EPS15: variants seen among roughly 807,000 people sequenced by gnomAD.
EPS15 encodes epidermal growth factor receptor pathway substrate 15, also known as epidermal growth factor receptor substrate 15.
EPS15 carries 72 observed loss-of-function variants against 113.8 expected under a neutral mutation model. The ratio of observed to expected loss-of-function variants is 0.63; its 90% CI spans 0.52 to 0.77. The LOEUF (loss-of-function observed/expected upper bound fraction) is 0.77, where lower values mean the gene tolerates loss of function less well. EPS15 is among the 30% of genes least tolerant of loss of function. The pLI, the probability that EPS15 is intolerant of heterozygous loss-of-function variation, is 0.00. For missense variants in EPS15, 1,048 were observed against 1,045.8 expected, an observed-to-expected ratio of 1.00 and a Z score of -0.03; for synonymous variants, 344 against 363.4, an observed-to-expected ratio of 0.95 and a Z score of 0.61.
intron 8 of EPS15, among the ~76,000 whole-genome samples, chr1:51,452,841 C>T (rs1653686893): frequency 6.6e-6 from 1 of 152,152 alleles, no homozygotes; most frequent in African/African-American, 2.4e-5. Flanking sequence ...TAGCAGGCAT[C>T]AGAATTACCT....
Position 51,407,495 on chromosome 1 carries a change from C to G in EPS15, c.1473+640G>C, listed in dbSNP as rs528005954. On this transcript the variant is annotated intron_variant, in intron 15 of 24. Coordinates refer to ENST00000371733, the MANE Select transcript of EPS15 (RefSeq NM_001981.3). ...TTACAGGCATGGGCCACCACCATGC[C>G]GAGCCCTAACTATCTTATCATTCAT... Among the ~76,000 whole-genome samples, 24 of 152,238 alleles carry G rather than the reference C, an allele frequency of 1.6e-4. No individual in the cohort carries two copies. The South Asian group carries it at 5.0e-3, about 32-fold the overall frequency.
At chr1:51,412,794 T>C (rs979508556) in intron 13 of EPS15, among the ~76,000 whole-genome samples, 1 of 152,266 alleles carries the variant, frequency 6.6e-6, no homozygotes, top group Non-Finnish European at 1.5e-5. Context: ...ACATGTCCTA[T>C]AGATTCTACC....
intron 21 of EPS15, among the ~76,000 whole-genome samples, chr1:51,375,252 C>T (rs539450913): frequency 2.0e-5 from 3 of 152,176 alleles, no homozygotes; most frequent in East Asian, 1.9e-4. Context: ...CCACCTGCCT[C>T]GGCCTCCCAA....
intron 13 of EPS15, among the ~76,000 whole-genome samples, chr1:51,417,967 T>A (rs894618498): frequency 6.6e-6 from 1 of 152,156 alleles, no homozygotes; most frequent in Non-Finnish European, 1.5e-5. Flanking sequence ...GTCATGATAC[T>A]AAATTGGTTT....
intron 21 of EPS15, among the ~76,000 whole-genome samples, chr1:51,366,743 CAT>C (rs1224749587): frequency 6.6e-6 from 1 of 152,206 alleles, no homozygotes; most frequent in East Asian, 1.9e-4. Context: ...TCCTTCAAGA[CAT>C]ATTTCAAATG....
At chr1:51,448,005 G>A in intron 9 of EPS15, 41 bp downstream of exon 9, 1 of 1,603,154 alleles carries the variant, frequency 6.2e-7, no homozygotes, top group Non-Finnish European at 8.5e-7. Context: ...CTTGGCTGAT[G>A]CTGAAGAGGG....
chr1:51,372,766 C>A lies in EPS15; in HGVS notation c.2120-6737G>T, dbSNP rs116615474. ...ACTGGAGCAGAGGAAGCTGAGGCAG[C>A]TGGAGCTGAACACTTGTTACAAGAC... On this transcript the variant is annotated intron_variant, in intron 21 of 24. Coordinates refer to ENST00000371733, the MANE Select transcript of EPS15 (RefSeq NM_001981.3). The A allele has an allele frequency of 8.9e-3, 3,715 of 417,310 alleles. 37 individuals are homozygous for A. Among genetic ancestry groups the A allele is most frequent in the South Asian group, 0.013 (668 of 51,000 alleles). The allele number at this position is 417,310 out of a possible 1,614,324, so 25.9% of individuals were successfully genotyped here.
chr1:51,500,599 T>C (rs1644394696), intron 1 of EPS15, among the ~76,000 whole-genome samples: 1 of 152,080 alleles, frequency 6.6e-6, no homozygotes, highest in Non-Finnish European at 1.5e-5. Context: ...CACTGCAGCC[T>C]CGACCTCCCA....
chr1:51,384,882 C>A (rs1647027865), intron 21 of EPS15, among the ~76,000 whole-genome samples: 1 of 152,144 alleles, frequency 6.6e-6, no homozygotes, highest in Non-Finnish European at 1.5e-5. Context: ...GATGGGAAAA[C>A]TGAATATCCA....
At chr1:51,487,314 T>C (rs1032870701) in intron 1 of EPS15, among the ~76,000 whole-genome samples, 12 of 152,322 alleles carry the variant, frequency 7.9e-5, no homozygotes, top group African/African-American at 2.6e-4. Context: ...CTGAAGTCCA[T>C]GTTAAAAACT....
intron 21 of EPS15, among the ~76,000 whole-genome samples, chr1:51,382,060 A>G (rs892364700): frequency 3.3e-5 from 5 of 152,224 alleles, no homozygotes; most frequent in Non-Finnish European, 7.3e-5. Context: ...AGATGGGCTA[A>G]GAAAACAAGA....
chr1:51,365,908 G>T, intron 22 of EPS15, 45 bp downstream of exon 22: 1 of 1,329,754 alleles, frequency 7.5e-7, no homozygotes, highest in Non-Finnish European at 1.1e-6. Flanking sequence ...TTCTTTTGGT[G>T]GAAACACAGT....
chr1:51,414,734 T>C (rs1650053842), intron 13 of EPS15, among the ~76,000 whole-genome samples: 1 of 152,226 alleles, frequency 6.6e-6, no homozygotes, highest in African/African-American at 2.4e-5. Context: ...ATGTCTTTTA[T>C]TGTAAATCCA....
intron 8 of EPS15, among the ~76,000 whole-genome samples, chr1:51,456,536 T>C (rs1195938379): frequency 6.6e-6 from 1 of 152,216 alleles, no homozygotes; most frequent in African/African-American, 2.4e-5. Context: ...GAGTATAAAC[T>C]GCCATAGGCC....
At chr1:51,506,666 T>C (rs1439119281) in intron 1 of EPS15, among the ~76,000 whole-genome samples, 1 of 151,764 alleles carries the variant, frequency 6.6e-6, no homozygotes, top group East Asian at 1.9e-4. Flanking sequence ...AACCAGGACA[T>C]TTCAAGCAAG....
rs1644016425 is a variant in EPS15, at chr1:51,481,308, T to C, written c.40A>G (p.Ser14Gly). The C allele has an allele frequency of 1.5e-6, 2 of 1,307,274 alleles. No homozygotes were observed. The highest frequency in any genetic ancestry group is 2.2e-6 in the Non-Finnish European group (2 of 905,444). The allele number at this position is 1,307,274 out of a possible 1,614,324, so 81.0% of individuals were successfully genotyped here. A position where few individuals can be genotyped will look rare whatever the true frequency, so the allele number is the denominator to read the frequency against. ...TATTTTTCATATACAGGATTCCCAC[T>C]TGATAACTGAAATAAACACATTAAT... is the stretch of plus-strand genomic sequence containing the variant. ...AAQLSLTQLS[S>G]GNPVYEKYYR... Residue 14 changes from serine (S) to glycine (G), a missense_variant, in exon 2 of 25, where the codon AGT becomes GGT. Physicochemically the swap from Ser to Gly is moderately conservative, Grantham distance 56. Coordinates refer to ENST00000371733, the MANE Select transcript of EPS15 (RefSeq NM_001981.3).
At chr1:51,509,460 T>C (rs1213314097) in intron 1 of EPS15, among the ~76,000 whole-genome samples, 1 of 152,176 alleles carries the variant, frequency 6.6e-6, no homozygotes, top group African/African-American at 2.4e-5. Context: ...CATTATTTTA[T>C]GCTAGTTCTC....
At chr1:51,491,708 G>A (rs967971419) in intron 1 of EPS15, among the ~76,000 whole-genome samples, 1 of 152,056 alleles carries the variant, frequency 6.6e-6, no homozygotes, top group African/African-American at 2.4e-5. Flanking sequence ...AGGGCGTGGT[G>A]GGGCAGAGAA....
intron 13 of EPS15, among the ~76,000 whole-genome samples, chr1:51,420,735 CCAATCAGAGAATCAACTTCCAACAAGA>C (rs1650675718): frequency 6.6e-6 from 1 of 151,918 alleles, no homozygotes; most frequent in Non-Finnish European, 1.5e-5. Context: ...ATGTAGTCAC[CCAATCAGAGAATCAACTTCCAACAAGA>C]AGTCTCTCTG....
Sources: gnomAD v4.1 joint callset for allele counts (sites outside exome capture counted in the v4.1 genomes callset) on GRCh38, gnomAD v4.1.1 for gene constraint, MANE v1.5 for transcripts, NCBI Gene and HGNC (gene_info 2026-07-23, HGNC 2026-07-21) for gene names.